Variants in VWA3B observed in about 807,000 individuals in gnomAD.
VWA3B encodes von Willebrand factor A domain-containing protein 3B.
In VWA3B, 138 loss-of-function variants were observed where a neutral mutation model predicts 158.3. The observed-to-expected ratio is 0.87, with a 90% CI of 0.76 to 1.00. VWA3B has a LOEUF of 1.00. Among genes scored for constraint, VWA3B ranks in the 50% least tolerant of loss-of-function variants. VWA3B has a pLI of 0.00. For synonymous variants in VWA3B, 596 were observed against 587.3 expected, an observed-to-expected ratio of 1.01 and a Z score of -0.21; for missense variants, 1,555 against 1,565.1, an observed-to-expected ratio of 0.99 and a Z score of 0.11.
At position 98,217,989 on chromosome 2, in the gene VWA3B, T is replaced by C; in HGVS notation, c.1980T>C (p.Asn660=). The change falls in exon 14 of 28, where the codon AAT becomes AAC. Residue 660 remains asparagine (N), a synonymous_variant. Coordinates refer to ENST00000477737, the MANE Select transcript of VWA3B (RefSeq NM_144992.5). The part of the protein sequence containing the change: ...ALTGGEFHFY[N]FGCKDPTPPE... ...CTGGAGGAGAGTTCCATTTTTATAA[T>C]TTTGGTTGCAAGGATCCCACTCCCC... 1.2e-6 allele frequency: 2 copies of C among 1,612,988 alleles called. No homozygotes were observed. Among genetic ancestry groups the C allele is most frequent in the Non-Finnish European group, 1.7e-6 (2 of 1,179,556 alleles).
chr2:98,167,156 TGGA>T (rs1303682900), intron 8 of VWA3B, among the ~76,000 whole-genome samples: 7 of 152,146 alleles, frequency 4.6e-5, no homozygotes, highest in Admixed American at 3.3e-4. Context: ...AGGGGCGGAT[TGGA>T]GGAGATCTAG....
chr2:98,089,563 T>C (rs1004167743), intron 1 of VWA3B, among the ~76,000 whole-genome samples: 4 of 151,820 alleles, frequency 2.6e-5, no homozygotes, highest in Non-Finnish European at 5.9e-5. Flanking sequence ...CAGGCTTCCT[T>C]GCTCTGATAG....
At position 98,311,874 on chromosome 2, in the gene VWA3B, G is replaced by A. The variant is rs989372305; in HGVS notation, c.3577G>A (p.Asp1193Asn). The change falls in exon 27 of 28, where the codon GAC becomes AAC. Residue 1193 changes from aspartate (D) to asparagine (N), a missense_variant. By Grantham distance (23) the Asp-to-Asn change is conservative. Transcript: ENST00000477737. ...CCTCTTCTGGCCACTGAAAGAAGCG[G>A]ACACGCAGGATTCCAGAGAGCCAAG... ...AFLFWPLKEA[D>N]TQDSREPRRE... 1.2e-6 allele frequency: 2 copies of A among 1,612,368 alleles called. No homozygotes were observed. The highest frequency in any genetic ancestry group is 2.7e-5 in the African/African-American group (2 of 74,866).
intron 20 of VWA3B, among the ~76,000 whole-genome samples, chr2:98,253,673 T>C (rs1574205575): frequency 6.6e-6 from 1 of 152,260 alleles, no homozygotes; most frequent in East Asian, 1.9e-4. Context: ...TTCTTGGCCT[T>C]CTGAAGTGTC....
At chr2:98,297,711 C>T (rs1314158825) in intron 23 of VWA3B, among the ~76,000 whole-genome samples, 196 bp from the exon 24 acceptor site, 3 of 152,256 alleles carry the variant, frequency 2.0e-5, no homozygotes, top group African/African-American at 4.8e-5. Context: ...CCAGACCAGG[C>T]ATGTGCACCA....
chr2:98,183,189 C>CTTTTTTTTT (rs1244544813), intron 9 of VWA3B, among the ~76,000 whole-genome samples: 116 of 124,574 alleles, frequency 9.3e-4, no homozygotes, highest in African/African-American at 3.3e-3. Context: ...GTACAGCTCC[C>CTTTTTTTTT]TTTTTTTTTT....
chr2:98,312,214 C>T lies in VWA3B; in HGVS notation c.3750C>T (p.His1250=), dbSNP rs371938110. 3 of 1,614,130 alleles carry T rather than the reference C, an allele frequency of 1.9e-6. No individual in the cohort carries two copies. The highest frequency in any genetic ancestry group is 1.1e-5 in the South Asian group (1 of 91,088). The change falls in exon 28 of 28, where the codon CAC becomes CAT. Residue 1250 remains histidine, a synonymous_variant. Coordinates refer to ENST00000477737, the MANE Select transcript of VWA3B (RefSeq NM_144992.5). The part of the protein sequence containing the change: ...THPEPRTAHL[H]FPAAGRLGLS... ...TGCTTCCCCAGACAGCCCACCTCCA[C>T]TTCCCCGCGGCCGGGCGTCTAGGAC...
At chr2:98,307,912 C>T (rs1432472795) in intron 26 of VWA3B, among the ~76,000 whole-genome samples, 3 of 152,182 alleles carry the variant, frequency 2.0e-5, no homozygotes, top group Admixed American at 6.5e-5. Context: ...TTCCCCCCAA[C>T]CTCCTTTCCT....
At chr2:98,158,754 C>T (rs1443780223) in intron 7 of VWA3B, among the ~76,000 whole-genome samples, 3 of 114,252 alleles carry the variant, frequency 2.6e-5, no homozygotes, top group African/African-American at 3.3e-5. Context: ...AAGGGTGGGA[C>T]GGGGTGGGTG....
In VWA3B at chr2:98,121,436, T is replaced by C. The variant is rs1559549849; in HGVS notation, c.680T>C (p.Leu227Pro). The change falls in exon 5 of 28, where the codon CTG becomes CCG. Residue 227 changes from leucine (L) to proline (P), a missense_variant. Coordinates refer to ENST00000477737, the MANE Select transcript of VWA3B (RefSeq NM_144992.5). ...GAGGCTGGCCGCCTGGATGCTCTGC[T>C]GGAAGCCGGGAGAGACAAGACTGTA... ...VSEAGRLDAL[L>P]EAGRDKTIES... 2.5e-6 allele frequency: 4 copies of C among 1,614,136 alleles called. No individual in the cohort carries two copies. Among genetic ancestry groups the C allele is most frequent in the Admixed American group, 1.7e-5 (1 of 60,032 alleles).
At chr2:98,316,553 G>A (rs1167034323), downstream of VWA3B, among the ~76,000 whole-genome samples, 1 of 151,690 alleles carries the variant, frequency 6.6e-6, no homozygotes, top group Non-Finnish European at 1.5e-5. Context: ...GGGCTGAAGT[G>A]GGAGAATGGC....
chr2:98,328,088 C>A, the VWA3B span, among the ~76,000 whole-genome samples: 1 of 152,156 alleles, frequency 6.6e-6, no homozygotes, highest in Admixed American at 6.5e-5. Flanking sequence ...TCTCATGCTA[C>A]AAGGGACCTC....
chr2:98,118,995 G>A (rs989774263), intron 3 of VWA3B, among the ~76,000 whole-genome samples: 1 of 152,216 alleles, frequency 6.6e-6, no homozygotes, highest in African/African-American at 2.4e-5. Context: ...TCCAGGTGCA[G>A]GAGAGCTTCA....
In VWA3B at chr2:98,240,406, G is replaced by T. The variant is rs149406746; in HGVS notation, c.2673+3676G>T. Among the ~76,000 whole-genome samples, 606 of 152,222 alleles carry T rather than the reference G, an allele frequency of 4.0e-3. 4 individuals are homozygous for T. The highest frequency in any genetic ancestry group is 0.011 in the African/African-American group (440 of 41,496). Reference sequence around the variant, plus strand: ...CCTCTTACAAACATTCCTGTAACAGGTATCTTTGCACGTAGATTTTTGGGC... The same window carrying T: ...CCTCTTACAAACATTCCTGTAACAGTTATCTTTGCACGTAGATTTTTGGGC... On this transcript the variant is annotated intron_variant, in intron 19 of 27. Coordinates refer to ENST00000477737, the MANE Select transcript of VWA3B (RefSeq NM_144992.5).
intron 7 of VWA3B, among the ~76,000 whole-genome samples, chr2:98,158,522 C>G (rs1407859910): frequency 1.3e-5 from 2 of 152,184 alleles, no homozygotes; most frequent in African/African-American, 4.8e-5. Flanking sequence ...TCACAGGCTT[C>G]TAGTTCTTTG....
chr2:98,107,485 A>C (rs1673761192), intron 2 of VWA3B, among the ~76,000 whole-genome samples: 1 of 152,102 alleles, frequency 6.6e-6, no homozygotes, highest in African/African-American at 2.4e-5. Context: ...ATTTGGTAAA[A>C]TTCTCCAGTG....
At chr2:98,111,039 T>G (rs964438325) in intron 2 of VWA3B, among the ~76,000 whole-genome samples, 2 of 152,186 alleles carry the variant, frequency 1.3e-5, no homozygotes, top group Non-Finnish European at 2.9e-5. Context: ...TAAACCTCTT[T>G]CCTTTGTAAA....
At chr2:98,154,518 C>G (rs562972500) in intron 7 of VWA3B, among the ~76,000 whole-genome samples, 1 of 152,242 alleles carries the variant, frequency 6.6e-6, no homozygotes, top group African/African-American at 2.4e-5. Flanking sequence ...CCCCTCTGTT[C>G]CCACTCCCGT....
chr2:98,095,138 A>T (rs1346477149), intron 2 of VWA3B, among the ~76,000 whole-genome samples: 1 of 151,940 alleles, frequency 6.6e-6, no homozygotes, highest in East Asian at 1.9e-4. Flanking sequence ...AAATTTAAGG[A>T]TTGTTTTTTC....
Sources: allele counts gnomAD v4.1 joint callset (sites outside exome capture counted in the v4.1 genomes callset), GRCh38; gene constraint gnomAD v4.1.1; transcripts MANE v1.5; gene names NCBI Gene and HGNC (gene_info 2026-07-23, HGNC 2026-07-21).